Variants in PDE4D observed in about 807,000 individuals in gnomAD.
The protein encoded by PDE4D is 3',5'-cyclic-AMP phosphodiesterase 4D.
Under a neutral mutation model 87.4 loss-of-function variants are expected in PDE4D, and 24 were observed. That is an observed-to-expected ratio of 0.27 (90% confidence interval 0.20 to 0.39). PDE4D has a LOEUF of 0.39. Among genes scored for constraint, PDE4D ranks in the 10% least tolerant of loss-of-function variants. The pLI is 1.00. For missense variants in PDE4D, 714 were observed against 1,041.0 expected (o/e 0.69, Z 4.32); for synonymous variants, 384 against 383.2 (o/e 1.00, Z -0.02).
chr5:60,133,724 C>T (rs908993326), intron 2 of PDE4D, among the ~76,000 whole-genome samples: 2 of 152,130 alleles, frequency 1.3e-5, no homozygotes, highest in African/African-American at 4.8e-5. Context: ...GTGAGAAAAT[C>T]CTTTCATTCT....
chr5:59,694,956 C>T (rs768497369), intron 1 of PDE4D, among the ~76,000 whole-genome samples: 3 of 152,120 alleles, frequency 2.0e-5, no homozygotes, highest in Non-Finnish European at 4.4e-5. Flanking sequence ...CAGCTCTCCA[C>T]CAAGGAGGCA....
chr5:60,425,661 AC>A (rs138771773), intron 1 of PDE4D, among the ~76,000 whole-genome samples: 3,476 of 152,356 alleles, frequency 0.023, 121 homozygotes, highest in African/African-American at 0.08. Context: ...AGCAATGGCA[AC>A]AAAAGCCAAC....
intron 1 of PDE4D, among the ~76,000 whole-genome samples, chr5:60,484,556 A>G (rs1343662505): frequency 1.3e-5 from 2 of 152,202 alleles, no homozygotes; most frequent in African/African-American, 2.4e-5. Flanking sequence ...AGTTTACTAA[A>G]TATGTTTTCA....
At chr5:59,129,275 G>T (rs1775938288) in intron 5 of PDE4D, among the ~76,000 whole-genome samples, 1 of 151,932 alleles carries the variant, frequency 6.6e-6, no homozygotes, top group South Asian at 2.1e-4. Context: ...TTTGTTCTTT[G>T]TTATTTTTTG....
chr5:59,491,467 T>C (rs1278088314), intron 1 of PDE4D, among the ~76,000 whole-genome samples: 4 of 152,202 alleles, frequency 2.6e-5, no homozygotes, highest in Admixed American at 6.5e-5. Context: ...TGGTGATTGA[T>C]ACAATGCTAA....
At chr5:59,117,423 C>T (rs1403473309) in intron 5 of PDE4D, among the ~76,000 whole-genome samples, 1 of 152,110 alleles carries the variant, frequency 6.6e-6, no homozygotes, top group Admixed American at 6.6e-5. Flanking sequence ...CCTGGACCCT[C>T]CACTACAGAC....
intron 1 of PDE4D, among the ~76,000 whole-genome samples, chr5:59,297,524 A>G (rs1769318363): frequency 6.6e-6 from 1 of 152,066 alleles, no homozygotes; most frequent in African/African-American, 2.4e-5. Flanking sequence ...GAAAACCACC[A>G]CATTATTGCT....
At chr5:59,856,000 C>A (rs548498679) in intron 1 of PDE4D, among the ~76,000 whole-genome samples, 1 of 152,004 alleles carries the variant, frequency 6.6e-6, no homozygotes, top group South Asian at 2.1e-4. Context: ...ACTAGAGAAT[C>A]TAAAGAGAAT....
chr5:59,394,913 A>C (rs1268290619), intron 1 of PDE4D, among the ~76,000 whole-genome samples: 1 of 152,106 alleles, frequency 6.6e-6, no homozygotes, highest in East Asian at 1.9e-4. Flanking sequence ...GCATTGCCTC[A>C]CTCGGGAAGT....
intron 3 of PDE4D, among the ~76,000 whole-genome samples, chr5:59,901,614 A>T (rs934320245): frequency 6.6e-6 from 1 of 152,150 alleles, no homozygotes; most frequent in African/African-American, 2.4e-5. Flanking sequence ...GTCAAAATAC[A>T]TGAAAAGGCA....
Position 59,115,115 on chromosome 5 carries a change from G to A in PDE4D, c.808+65480C>T, listed in dbSNP as rs530731030. ...CAATGTCCAGGAGGAGACATTGAAG[G>A]GGATGGGGATTAAATTTGGGGGTAG... is the stretch of plus-strand genomic sequence containing the variant. On this transcript the variant is annotated intron_variant, in intron 5 of 14. Coordinates refer to ENST00000340635, the MANE Select transcript of PDE4D (RefSeq NM_001104631.2). Among the ~76,000 whole-genome samples the A allele has an allele frequency of 2.6e-5, 4 of 152,134 alleles. No individual in the cohort carries two copies. The South Asian group carries it at 8.3e-4, about 32-fold the overall frequency.
At chr5:60,517,884 G>C (rs979863864) in intron 1 of PDE4D, among the ~76,000 whole-genome samples, 14 of 152,220 alleles carry the variant, frequency 9.2e-5, no homozygotes, top group African/African-American at 3.4e-4. Flanking sequence ...CACACCCCTT[G>C]CTTGCCATGT....
At chr5:59,100,498 C>A (rs1326860883) in intron 5 of PDE4D, among the ~76,000 whole-genome samples, 1 of 152,036 alleles carries the variant, frequency 6.6e-6, no homozygotes, top group Non-Finnish European at 1.5e-5. Flanking sequence ...GATGGGGAAG[C>A]TTAAACAAAA....
chr5:59,920,985 G>A (rs1255298372), intron 3 of PDE4D, among the ~76,000 whole-genome samples: 1 of 152,114 alleles, frequency 6.6e-6, no homozygotes, highest in Admixed American at 6.6e-5. Context: ...TGCACGTTGT[G>A]CACATGTACC....
chr5:60,092,827 G>A (rs564909499), intron 2 of PDE4D, among the ~76,000 whole-genome samples: 88 of 152,330 alleles, frequency 5.8e-4, no homozygotes, highest in Non-Finnish European at 1.1e-3. Context: ...ATGCTCTGGA[G>A]CAAGATTCAT....
At chr5:60,017,925 C>G (rs766543715) in intron 2 of PDE4D, among the ~76,000 whole-genome samples, 1 of 152,148 alleles carries the variant, frequency 6.6e-6, no homozygotes, top group Non-Finnish European at 1.5e-5. Flanking sequence ...AGTGTAAAAG[C>G]GTTCCTATTT....
At chr5:59,822,057 A>G (rs961661972) in intron 1 of PDE4D, among the ~76,000 whole-genome samples, 1 of 152,198 alleles carries the variant, frequency 6.6e-6, no homozygotes, top group Admixed American at 6.5e-5. Flanking sequence ...CAAATTGTAT[A>G]TAATGATTTG....
At chr5:59,202,103 A>G (rs1480663943) in intron 2 of PDE4D, among the ~76,000 whole-genome samples, 10 of 130,592 alleles carry the variant, frequency 7.7e-5, no homozygotes. Flanking sequence ...CAGTGGCTGC[A>G]ATCTCGGCTC....
At chr5:59,848,815 G>T (rs1358863739) in intron 1 of PDE4D, among the ~76,000 whole-genome samples, 1 of 152,010 alleles carries the variant, frequency 6.6e-6, no homozygotes, top group East Asian at 1.9e-4. Context: ...CGTAACCGGG[G>T]TAAGGGCTGC....
Sources: allele counts gnomAD v4.1 joint callset (sites outside exome capture counted in the v4.1 genomes callset), GRCh38; gene constraint gnomAD v4.1.1; transcripts MANE v1.5; gene names NCBI Gene and HGNC (gene_info 2026-07-23, HGNC 2026-07-21).